Variants in DOCK4 observed in about 807,000 individuals in gnomAD.
DOCK4 encodes dedicator of cytokinesis protein 4.
A neutral mutation model predicts 268.1 loss-of-function variants in DOCK4; 97 were observed. That is an observed-to-expected ratio of 0.36 (90% CI 0.31 to 0.43). The LOEUF is 0.43. Ranked by LOEUF, DOCK4 falls within the 20% of genes least tolerant of loss-of-function variation. The probability of loss-of-function intolerance (pLI) is 1.00; values close to 1 mark genes in which losing one functional copy is unlikely to be tolerated. For missense variants in DOCK4, 2,145 were observed against 2,455.7 expected (o/e 0.87, Z 2.67); for synonymous variants, 954 against 887.2 (o/e 1.08, Z -1.34).
Position 111,895,812 on chromosome 7 carries a change from C to T in DOCK4, c.1481-94G>A, listed in dbSNP as rs1808699421. 5.3e-6 allele frequency: 6 copies of T among 1,139,682 alleles called. 1 individual carries two copies. In the South Asian group the frequency reaches 6.4e-5, roughly 12 times the overall value. The allele number at this position is 1,139,682 out of a possible 1,614,324, so 70.6% of individuals were successfully genotyped here. A position where few individuals can be genotyped will look rare whatever the true frequency, so the allele number is the denominator to read the frequency against. Reference sequence around the variant, plus strand: ...TAATCATCGAGAAATATAACTCATACACAACAGTTCCCACTACACAATGCA... The same window carrying T: ...TAATCATCGAGAAATATAACTCATATACAACAGTTCCCACTACACAATGCA... On this transcript the variant is annotated intron_variant, in intron 15 of 52. Transcript: ENST00000428084.
At chr7:112,172,768 G>A (rs184518750) in intron 1 of DOCK4, among the ~76,000 whole-genome samples, 1 of 152,086 alleles carries the variant, frequency 6.6e-6, no homozygotes, top group African/African-American at 2.4e-5. Context: ...ATGTAAAGCC[G>A]GGAAGAACAG....
chr7:111,896,841 C>A (rs2134389877), intron 15 of DOCK4, among the ~76,000 whole-genome samples: 1 of 152,188 alleles, frequency 6.6e-6, no homozygotes, highest in Admixed American at 6.5e-5. Flanking sequence ...AATATGAGGA[C>A]ATCCCTGAAA....
chr7:112,054,467 C>G (rs1805645215), intron 1 of DOCK4, among the ~76,000 whole-genome samples: 1 of 151,850 alleles, frequency 6.6e-6, no homozygotes, highest in South Asian at 2.1e-4. Flanking sequence ...ACCTTGTAGC[C>G]AAAGACACCA....
At chr7:111,995,820 C>T (rs974704919) in intron 4 of DOCK4, among the ~76,000 whole-genome samples, 1 of 151,996 alleles carries the variant, frequency 6.6e-6, no homozygotes, top group Non-Finnish European at 1.5e-5. Context: ...AAATACTTGC[C>T]CTATGAATAT....
At chr7:111,857,350 T>G (rs928143149) in intron 23 of DOCK4, among the ~76,000 whole-genome samples, 1 of 152,126 alleles carries the variant, frequency 6.6e-6, no homozygotes, top group Non-Finnish European at 1.5e-5. Flanking sequence ...TAATGGGGAC[T>G]GGGGAGTTTC....
intron 8 of DOCK4, among the ~76,000 whole-genome samples, chr7:111,962,962 T>A (rs570757127): frequency 6.6e-6 from 1 of 152,312 alleles, no homozygotes; most frequent in East Asian, 1.9e-4. Flanking sequence ...GCAGCTCACA[T>A]GCATGAGCAG....
intron 1 of DOCK4, among the ~76,000 whole-genome samples, chr7:112,127,672 T>G (rs1813366783): frequency 6.6e-6 from 1 of 152,016 alleles, no homozygotes; most frequent in Admixed American, 6.6e-5. Flanking sequence ...AAAATAAAAA[T>G]AAAAACAACA....
chr7:111,884,198 C>A (rs73424303), intron 16 of DOCK4, among the ~76,000 whole-genome samples: 2,120 of 152,204 alleles, frequency 0.014, 44 homozygotes, highest in African/African-American at 0.048. Context: ...CCTTAATATA[C>A]CATACAAATA....
Position 111,727,624 on chromosome 7 carries a change from A to G in DOCK4, c.*650T>C, listed in dbSNP as rs1048472942. On this transcript the variant is annotated 3_prime_UTR_variant, in exon 53 of 53. Coordinates refer to ENST00000428084, the MANE Select transcript of DOCK4 (RefSeq NM_001363540.2). ...GAAATACAGTAGATACCACGGTGTC[A>G]GGGTAGTAAGGGATTTAGCTACCAA... 6.6e-6 allele frequency: 1 copy of G among 152,618 alleles called. No individual in the cohort carries two copies. Among genetic ancestry groups the G allele is most frequent in the Non-Finnish European group, 1.5e-5 (1 of 68,034 alleles). The allele number at this position is 152,618 out of a possible 1,614,324, so 9.5% of individuals were successfully genotyped here.
Position 112,018,143 on chromosome 7 carries a change from CAAAAAAAAAAAAAAAAAAA to C in DOCK4, c.38-14031_38-14013del, listed in dbSNP as rs140883588. On this transcript the variant is annotated intron_variant, in intron 1 of 52. Coordinates refer to ENST00000428084, the MANE Select transcript of DOCK4 (RefSeq NM_001363540.2). ...TGGGCAACACAGCAAGACTCCAGCT[CAAAAAAAAAAAAAAAAAAA>C]AAAAAAAAAAAAAAAAAACACAGGC... Among the ~76,000 whole-genome samples, 17 of 20,640 alleles carry C rather than the reference CAAAAAAAAAAAAAAAAAAA, an allele frequency of 8.2e-4. No homozygotes were observed. The East Asian group carries it at 0.02, about 25-fold the overall frequency. 13.5% of individuals were successfully genotyped at this position (20,640 alleles called of 152,430 possible).
Position 112,091,581 on chromosome 7 carries a change from T to C in DOCK4, c.38-87450A>G, listed in dbSNP as rs536940163. Among the ~76,000 whole-genome samples the C allele has an allele frequency of 4.6e-5, 7 of 152,248 alleles. No individual in the cohort carries two copies. In the South Asian group the frequency reaches 1.5e-3, roughly 32 times the overall value. On this transcript the variant is annotated intron_variant, in intron 1 of 52. Transcript: ENST00000428084. ...GAGACCATATCACATTGATGAATGG[T>C]TATAATTTCCCACAGACTCAGCACT...
intron 1 of DOCK4, among the ~76,000 whole-genome samples, chr7:112,126,208 A>C (rs141592629): frequency 7.7e-4 from 117 of 152,370 alleles, no homozygotes; most frequent in African/African-American, 2.8e-3. Context: ...TCAAAATGGC[A>C]TAACATTGAA....
At chr7:112,065,623 C>T (rs1806854627) in intron 1 of DOCK4, among the ~76,000 whole-genome samples, 2 of 149,836 alleles carry the variant, frequency 1.3e-5, no homozygotes, top group African/African-American at 4.9e-5. Flanking sequence ...AGGTTCCAGC[C>T]GTAAGATTCT....
chr7:111,956,958 A>C (rs563021817), intron 8 of DOCK4, among the ~76,000 whole-genome samples: 1 of 152,204 alleles, frequency 6.6e-6, no homozygotes, highest in Non-Finnish European at 1.5e-5. Flanking sequence ...TATATTCATT[A>C]TAACTTTTAA....
Position 111,769,515 on chromosome 7 carries a change from G to A in DOCK4, c.3828+14C>T. On this transcript the variant is annotated intron_variant, in intron 37 of 52. Coordinates refer to ENST00000428084, the MANE Select transcript of DOCK4 (RefSeq NM_001363540.2). The stretch of plus-strand genomic sequence containing the variant: ...CACCCCAGGAGGGACCCCGGGCGGG[G>A]CAGGGCCACTTACTTTGCCTCTGTC... 6.2e-7 allele frequency: 1 copy of A among 1,613,090 alleles called. No homozygotes were observed. Among genetic ancestry groups the A allele is most frequent in the Non-Finnish European group, 8.5e-7 (1 of 1,179,676 alleles).
chr7:112,157,407 G>A (rs1044844000), intron 1 of DOCK4, among the ~76,000 whole-genome samples: 1 of 152,122 alleles, frequency 6.6e-6, no homozygotes, highest in Non-Finnish European at 1.5e-5. Flanking sequence ...CTCTCCAGAG[G>A]TATGAACATT....
chr7:112,128,084 A>C (rs979766992), intron 1 of DOCK4, among the ~76,000 whole-genome samples: 2 of 152,228 alleles, frequency 1.3e-5, no homozygotes, highest in African/African-American at 4.8e-5. Context: ...AACAACATTC[A>C]GTTAGACAAA....
rs1378844424 is a variant in DOCK4 at position 111,741,126 on chromosome 7, A to G, written c.5008T>C (p.Ser1670Pro). 1 of 1,613,998 alleles carries G rather than the reference A, an allele frequency of 6.2e-7. No individual in the cohort carries two copies. Among genetic ancestry groups the G allele is most frequent in the Admixed American group, 1.7e-5 (1 of 60,020 alleles). ...TTAAAGACTTCATCAGAGCTTTCTG[A>G]TTGCCCTGTAATATTGCTTACTTCA... ...SAEVSNITGQ[S>P]ESSDEVFNMQ... is the part of the protein sequence containing the mutation. The change falls in exon 47 of 53, where the codon TCA (serine) becomes CCA (proline). Residue 1670 changes from serine (S) to proline (P), a missense_variant. By Grantham distance (74) the Ser-to-Pro change is moderately conservative. This residue lies in a region of DOCK4 where 547 missense variants were observed against 469.0 expected (regional missense o/e 1.17). Transcript: ENST00000428084.
chr7:112,081,812 T>C (rs1040183796), intron 1 of DOCK4, among the ~76,000 whole-genome samples: 1 of 152,010 alleles, frequency 6.6e-6, no homozygotes, highest in Non-Finnish European at 1.5e-5. Context: ...GGCTCAAGAA[T>C]AAAAAGAGGG....
Sources: allele counts gnomAD v4.1 joint callset (sites outside exome capture counted in the v4.1 genomes callset), GRCh38; gene constraint gnomAD v4.1.1; regional missense constraint gnomAD v4.1.1; transcripts MANE v1.5; gene names NCBI Gene and HGNC (gene_info 2026-07-23, HGNC 2026-07-21).